Variants in BABAM2 observed in about 807,000 individuals in gnomAD.
The protein encoded by BABAM2 is BRISC and BRCA1-A complex member 2.
In BABAM2, 31 loss-of-function variants were observed where a neutral mutation model predicts 54.7. That is an observed-to-expected ratio of 0.57 (90% CI 0.43 to 0.77). The LOEUF is 0.77. BABAM2 is among the 30% of genes least tolerant of loss of function. The pLI is 0.00. For synonymous variants in BABAM2, 167 were observed against 162.9 expected (o/e 1.03, Z -0.19); for missense variants, 364 against 455.8 (o/e 0.80, Z 1.83).
In BABAM2 at chr2:28,320,619, G is replaced by T. The variant is rs113569344; in HGVS notation, c.1089-17831G>T. 4.6e-5 allele frequency among the ~76,000 whole-genome samples: 7 copies of T among 152,354 alleles called. No homozygotes were observed. The East Asian group carries it at 1.3e-3, about 29-fold the overall frequency. On this transcript the variant is annotated intron_variant, in intron 11 of 11. Coordinates refer to ENST00000379624, the MANE Select transcript of BABAM2 (RefSeq NM_199191.3). ...TCCTCACATTTAGCTGCAGCCTGCC[G>T]TGGCCAGGCATAGGTTGGCAGCATC...
chr2:27,927,311 G>A (rs898793463), intron 2 of BABAM2, among the ~76,000 whole-genome samples: 1 of 152,182 alleles, frequency 6.6e-6, no homozygotes, highest in African/African-American at 2.4e-5. Flanking sequence ...TAATCCTGAC[G>A]ATTTCCTGTA....
chr2:28,196,983 T>C (rs1677653271), intron 7 of BABAM2, among the ~76,000 whole-genome samples: 1 of 151,514 alleles, frequency 6.6e-6, no homozygotes, highest in Non-Finnish European at 1.5e-5. Context: ...TAGATGGGAC[T>C]ACAGGTGTGT....
At chr2:27,985,842 A>G (rs988443559) in intron 3 of BABAM2, among the ~76,000 whole-genome samples, 5 of 152,178 alleles carry the variant, frequency 3.3e-5, no homozygotes, top group Admixed American at 2.0e-4. Context: ...GCTTGTGTTT[A>G]TTATGATTTT....
chr2:28,070,485 T>A (rs1455034224), intron 6 of BABAM2, among the ~76,000 whole-genome samples: 1 of 152,180 alleles, frequency 6.6e-6, no homozygotes, highest in Non-Finnish European at 1.5e-5. Context: ...AAGCCTCATT[T>A]CTGACTCTCC....
At chr2:28,012,036 T>G (rs1378623082) in intron 4 of BABAM2, among the ~76,000 whole-genome samples, 1 of 152,236 alleles carries the variant, frequency 6.6e-6, no homozygotes, top group Non-Finnish European at 1.5e-5. Context: ...ATGAAAAGTG[T>G]AACACTAACA....
At chr2:27,941,464 G>A (rs1668876524) in intron 3 of BABAM2, among the ~76,000 whole-genome samples, 1 of 151,884 alleles carries the variant, frequency 6.6e-6, no homozygotes, top group Non-Finnish European at 1.5e-5. Context: ...GCTCAGTCAG[G>A]AGAATCACTT....
intron 9 of BABAM2, among the ~76,000 whole-genome samples, chr2:28,242,387 C>G (rs1318054463): frequency 1.3e-5 from 2 of 152,216 alleles, no homozygotes; most frequent in Non-Finnish European, 2.9e-5. Flanking sequence ...TGTGGCTGTG[C>G]TGCCCTGCAG....
At chr2:28,294,197 G>T (rs1687504642) in intron 10 of BABAM2, among the ~76,000 whole-genome samples, 1 of 152,092 alleles carries the variant, frequency 6.6e-6, no homozygotes, top group Non-Finnish European at 1.5e-5. Flanking sequence ...TGACCAACAT[G>T]GTGAAACCCC....
At chr2:28,326,075 A>G (rs1201530023) in intron 11 of BABAM2, among the ~76,000 whole-genome samples, 1 of 152,192 alleles carries the variant, frequency 6.6e-6, no homozygotes, top group South Asian at 2.1e-4. Flanking sequence ...CTGGACCCAC[A>G]TTCCAGGTTC....
chr2:28,040,449 C>T (rs981721251), intron 5 of BABAM2, among the ~76,000 whole-genome samples: 2 of 150,800 alleles, frequency 1.3e-5, no homozygotes, highest in African/African-American at 2.4e-5. Flanking sequence ...TACAGGCGCC[C>T]GCCACTACGC....
chr2:28,057,230 A>G (rs1200521660), intron 6 of BABAM2, among the ~76,000 whole-genome samples: 4 of 152,202 alleles, frequency 2.6e-5, no homozygotes, highest in East Asian at 1.9e-4. Context: ...TTAAGACTCT[A>G]AGCATCAACA....
intron 10 of BABAM2, among the ~76,000 whole-genome samples, chr2:28,259,994 G>T (rs987032683): frequency 2.0e-5 from 3 of 151,316 alleles, no homozygotes; most frequent in Admixed American, 1.3e-4. Context: ...TCTTCTTCCC[G>T]TATTCAAGTA....
At chr2:28,009,112 A>T (rs991793871) in intron 4 of BABAM2, among the ~76,000 whole-genome samples, 2 of 152,152 alleles carry the variant, frequency 1.3e-5, no homozygotes, top group Admixed American at 1.3e-4. Context: ...GAGAAAATTC[A>T]TCGGAAAAGT....
chr2:27,938,301 TGTA>T (rs1219065156), intron 3 of BABAM2, among the ~76,000 whole-genome samples: 1 of 152,192 alleles, frequency 6.6e-6, no homozygotes, highest in African/African-American at 2.4e-5. Flanking sequence ...TTTTAACAAA[TGTA>T]GTATTCTAAT....
rs1690340142 is a variant in BABAM2 at position 28,325,165 on chromosome 2, T to C, written c.1089-13285T>C. ...ATCCACTGTTTGAACAAGCCTTCTT[T>C]ACACCATGTGTGGATATCATTCATC... On this transcript the variant is annotated intron_variant, in intron 11 of 11. Transcript: ENST00000379624. This position sits in a 1 kb window ranked among gnomAD's most constrained non-coding sequence, Gnocchi z 4.3. Among the ~76,000 whole-genome samples, 1 of 152,260 alleles carries C rather than the reference T, an allele frequency of 6.6e-6. No homozygotes were observed. Among genetic ancestry groups the C allele is most frequent in the African/African-American group, 2.4e-5 (1 of 41,468 alleles).
At chr2:28,118,099 C>T (rs1668760027) in intron 6 of BABAM2, among the ~76,000 whole-genome samples, 1 of 152,152 alleles carries the variant, frequency 6.6e-6, no homozygotes, top group Admixed American at 6.5e-5. Flanking sequence ...CATAACATCA[C>T]AACTCAGAGA....
rs552390609 is a variant in BABAM2 at position 27,946,258 on chromosome 2, G to T, written c.205+16350G>T. The stretch of plus-strand genomic sequence containing the variant: ...TAATATATGTTAATTTTTTTTCTCT[G>T]TCTACTTGGTTTATTTCTTTTATTC... On this transcript the variant is annotated intron_variant, in intron 3 of 11. Transcript: ENST00000379624. Among the ~76,000 whole-genome samples, 8 of 152,086 alleles carry T rather than the reference G, an allele frequency of 5.3e-5. 1 individual carries two copies. The highest frequency in any genetic ancestry group is 1.9e-4 in the African/African-American group (8 of 41,518).
At chr2:28,241,485 G>A in intron 9 of BABAM2, 92 bp downstream of exon 9, 2 of 1,187,938 alleles carry the variant, frequency 1.7e-6, no homozygotes, top group East Asian at 2.4e-5. Context: ...ATAGCACTTA[G>A]TTCTTACACA....
intron 5 of BABAM2, among the ~76,000 whole-genome samples, chr2:28,039,677 A>C (rs1676920701): frequency 6.6e-6 from 1 of 152,256 alleles, no homozygotes; most frequent in Admixed American, 6.5e-5. Context: ...TCCATTCTGC[A>C]CAAAATGTCT....
Sources: gnomAD v4.1 joint callset for allele counts (sites outside exome capture counted in the v4.1 genomes callset) on GRCh38, gnomAD v4.1.1 for gene constraint, Gnocchi (gnomAD v3.1) non-coding constraint, MANE v1.5 for transcripts, NCBI Gene and HGNC (gene_info 2026-07-23, HGNC 2026-07-21) for gene names.